Variants in SH3GL2 observed in about 807,000 individuals in gnomAD.
The protein encoded by SH3GL2 is endophilin-A1.
SH3GL2 carries 24 observed loss-of-function variants against 46.0 expected under a neutral mutation model. The ratio of observed to expected loss-of-function variants is 0.52; its 90% CI spans 0.38 to 0.73. SH3GL2 has a LOEUF of 0.73. Ranked by LOEUF, SH3GL2 falls within the 30% of genes least tolerant of loss-of-function variation. The pLI, the probability that SH3GL2 is intolerant of heterozygous loss-of-function variation, is 0.00. For synonymous variants in SH3GL2, 196 were observed against 147.1 expected, an observed-to-expected ratio of 1.33 and a Z score of -2.40; for missense variants, 413 against 424.2, an observed-to-expected ratio of 0.97 and a Z score of 0.23.
chr9:17,719,160 A>G (rs778177189), intron 1 of SH3GL2, among the ~76,000 whole-genome samples: 11 of 152,240 alleles, frequency 7.2e-5, no homozygotes, highest in Non-Finnish European at 1.3e-4. Flanking sequence ...GTTGTTGTGA[A>G]AACCAATTGA....
chr9:17,779,028 AAGGGCT>A (rs1823723947), intron 3 of SH3GL2, among the ~76,000 whole-genome samples: 1 of 152,036 alleles, frequency 6.6e-6, no homozygotes, highest in South Asian at 2.1e-4. Flanking sequence ...ATACAGTGTA[AAGGGCT>A]AGCCTGCAGA....
At chr9:17,685,818 G>A (rs953286087) in intron 1 of SH3GL2, among the ~76,000 whole-genome samples, 1 of 151,888 alleles carries the variant, frequency 6.6e-6, no homozygotes, top group Non-Finnish European at 1.5e-5. Context: ...TCTCTGTTTT[G>A]GTACCAGTAC....
intron 1 of SH3GL2, among the ~76,000 whole-genome samples, chr9:17,733,922 G>T (rs10810844): frequency 0.2 from 29,827 of 151,790 alleles, 3,411 homozygotes; most frequent in East Asian, 0.38. Flanking sequence ...ATTGAACAAT[G>T]AGAACACATG....
At chr9:17,706,520 A>T (rs1022914775) in intron 1 of SH3GL2, among the ~76,000 whole-genome samples, 7 of 151,916 alleles carry the variant, frequency 4.6e-5, no homozygotes, top group African/African-American at 1.7e-4. Context: ...TTTTCCTCTT[A>T]TCTTTTCTTG....
At chr9:17,671,569 A>C (rs1820476101) in intron 1 of SH3GL2, among the ~76,000 whole-genome samples, 2 of 152,190 alleles carry the variant, frequency 1.3e-5, no homozygotes, top group Admixed American at 1.3e-4. Flanking sequence ...CACTCATTGC[A>C]TGCTTGTATC....
intron 1 of SH3GL2, among the ~76,000 whole-genome samples, chr9:17,623,269 G>T (rs1040350658): frequency 6.6e-6 from 1 of 152,036 alleles, no homozygotes; most frequent in Non-Finnish European, 1.5e-5. Flanking sequence ...ATGTTGCCAG[G>T]TGTAGAAGAT....
rs58212352 is a variant in SH3GL2, at chr9:17,751,479, C to CGTGTGTGTGT, written c.114+4366_114+4375dup. 4.7e-3 allele frequency among the ~76,000 whole-genome samples: 693 copies of CGTGTGTGTGT among 146,468 alleles called. 3 individuals carry two copies. Among genetic ancestry groups the CGTGTGTGTGT allele is most frequent in the African/African-American group, 0.016 (630 of 39,490 alleles). On this transcript the variant is annotated intron_variant, in intron 2 of 8. Transcript: ENST00000380607. ...TTTGGTGTGTGTGTTTTTGTGTGTGCGTGTGTGTGTGTGTGTGTGTGTGTG... is the reference window on the plus strand; with the variant it reads ...TTTGGTGTGTGTGTTTTTGTGTGTGCGTGTGTGTGTGTGTGTGTGTGTGTGTGTGTGTGTG...
intron 1 of SH3GL2, 93 bp from the exon 2 acceptor site, chr9:17,746,973 A>T: frequency 1.2e-6 from 1 of 800,418 alleles, no homozygotes; most frequent in Middle Eastern, 2.9e-4. Flanking sequence ...GTGAGATTAC[A>T]TTAGATGACA....
chr9:17,619,609 C>T (rs1188179321), intron 1 of SH3GL2, among the ~76,000 whole-genome samples: 2 of 151,824 alleles, frequency 1.3e-5, no homozygotes, highest in African/African-American at 4.9e-5. Flanking sequence ...ACCCGGGAGG[C>T]AGAGGTTGCA....
chr9:17,628,764 G>C (rs972575237), intron 1 of SH3GL2, among the ~76,000 whole-genome samples: 3 of 151,760 alleles, frequency 2.0e-5, no homozygotes, highest in African/African-American at 4.8e-5. Context: ...AAGTATTAAC[G>C]GGTAAAATCC....
In SH3GL2 at chr9:17,675,711, C is replaced by T. The variant is rs1820590547; in HGVS notation, c.46-71355C>T. On this transcript the variant is annotated intron_variant, in intron 1 of 8. Transcript: ENST00000380607. ...CCTGTAATCTCAGCACTCTGAGAGG[C>T]CGAGGCGGGAGGATCACGAGGTCAG... 3.3e-5 allele frequency among the ~76,000 whole-genome samples: 5 copies of T among 152,314 alleles called. No individual in the cohort carries two copies. The South Asian group carries it at 1.0e-3, about 32-fold the overall frequency.
At chr9:17,751,626 C>T (rs1025729790) in intron 2 of SH3GL2, among the ~76,000 whole-genome samples, 1 of 152,076 alleles carries the variant, frequency 6.6e-6, no homozygotes. Flanking sequence ...GTGAGGCACA[C>T]CAGTCATCTC....
intron 1 of SH3GL2, among the ~76,000 whole-genome samples, chr9:17,735,105 G>T (rs1822292922): frequency 6.6e-6 from 1 of 152,118 alleles, no homozygotes; most frequent in Non-Finnish European, 1.5e-5. Context: ...GGGGTAACCA[G>T]TCTCTTAAGT....
intron 1 of SH3GL2, among the ~76,000 whole-genome samples, chr9:17,740,856 A>C (rs768610995): frequency 6.6e-6 from 1 of 152,142 alleles, no homozygotes; most frequent in Non-Finnish European, 1.5e-5. Context: ...AAACAGATCT[A>C]GTGTTAGATG....
chr9:17,599,965 G>C (rs747914008), intron 1 of SH3GL2, among the ~76,000 whole-genome samples: 1 of 149,666 alleles, frequency 6.7e-6, no homozygotes, highest in Non-Finnish European at 1.5e-5. Context: ...AATCTGAACA[G>C]TTATTTTGCT....
At chr9:17,765,807 G>A (rs1823302247) in intron 3 of SH3GL2, among the ~76,000 whole-genome samples, 1 of 152,146 alleles carries the variant, frequency 6.6e-6, no homozygotes, top group South Asian at 2.1e-4. Context: ...TCCGCCATGA[G>A]TTCAGCACTG....
intron 1 of SH3GL2, among the ~76,000 whole-genome samples, chr9:17,710,977 A>G (rs1185565342): frequency 6.6e-6 from 1 of 151,970 alleles, no homozygotes; most frequent in Non-Finnish European, 1.5e-5. Context: ...AAGATATATG[A>G]TTGTGCACAT....
intron 3 of SH3GL2, among the ~76,000 whole-genome samples, chr9:17,776,202 C>T (rs1823636855): frequency 6.6e-6 from 1 of 152,126 alleles, no homozygotes; most frequent in Admixed American, 6.6e-5. Flanking sequence ...GTACGTTCCA[C>T]AGAGTCTGCT....
At chr9:17,673,049 C>T (rs4578059) in intron 1 of SH3GL2, among the ~76,000 whole-genome samples, 76,498 of 151,924 alleles carry the variant, frequency 0.5, 20,310 homozygotes, top group African/African-American at 0.65. Flanking sequence ...TACCCTTACA[C>T]GTGGCTGTTT....
Sources: allele counts gnomAD v4.1 joint callset (sites outside exome capture counted in the v4.1 genomes callset), GRCh38; gene constraint gnomAD v4.1.1; transcripts MANE v1.5; gene names NCBI Gene and HGNC (gene_info 2026-07-23, HGNC 2026-07-21).